The following LEF1 variants were observed in gnomAD, a reference collection of about 807,000 sequenced individuals.
LEF1 encodes the protein lymphoid enhancer binding factor 1, also known as lymphoid enhancer-binding factor 1.
Under a neutral mutation model 51.2 loss-of-function variants are expected in LEF1, and 14 were observed. That is an observed-to-expected ratio of 0.27 (90% confidence interval 0.18 to 0.43). LEF1 has a LOEUF of 0.43. LEF1 is among the 20% of genes least tolerant of loss of function. The probability of loss-of-function intolerance (pLI) is 1.00; values close to 1 mark genes in which losing one functional copy is unlikely to be tolerated. For synonymous variants in LEF1, 185 were observed against 183.2 expected, an observed-to-expected ratio of 1.01 and a Z score of -0.08; for missense variants, 386 against 512.0, an observed-to-expected ratio of 0.75 and a Z score of 2.37.
intron 3 of LEF1, among the ~76,000 whole-genome samples, chr4:108,144,983 T>C (rs1743911759): frequency 6.6e-6 from 1 of 151,828 alleles, no homozygotes; most frequent in South Asian, 2.1e-4. Context: ...AAGTATCTTA[T>C]CGGAACAAAT....
At chr4:108,162,001 G>C (rs962681261) in intron 3 of LEF1, among the ~76,000 whole-genome samples, 1 of 152,072 alleles carries the variant, frequency 6.6e-6, no homozygotes, top group African/African-American at 2.4e-5. Flanking sequence ...CTATATATTT[G>C]TATGTTTTGT....
chr4:108,158,418 A>AAAG (rs1744863016), intron 3 of LEF1, among the ~76,000 whole-genome samples: 1 of 150,224 alleles, frequency 6.7e-6, no homozygotes, highest in East Asian at 2.0e-4. Flanking sequence ...CCCTTAAAAA[A>AAAG]AGAGAGAGAG....
chr4:108,087,147 C>T (rs1323928202), intron 4 of LEF1, among the ~76,000 whole-genome samples: 7 of 152,084 alleles, frequency 4.6e-5, no homozygotes, highest in East Asian at 3.9e-4. Context: ...TTATTTTCTT[C>T]GCAACAAAAG....
chr4:108,087,242 G>A (rs1239521942), intron 4 of LEF1, among the ~76,000 whole-genome samples: 4 of 152,138 alleles, frequency 2.6e-5, no homozygotes, highest in Non-Finnish European at 5.9e-5. Flanking sequence ...AGAAGTACAC[G>A]ATGATAAGGA....
intron 3 of LEF1, among the ~76,000 whole-genome samples, chr4:108,162,146 T>A (rs1262975799): frequency 6.6e-6 from 1 of 152,182 alleles, no homozygotes; most frequent in African/African-American, 2.4e-5. Context: ...GACATCTTTA[T>A]CATTAAATAC....
At chr4:108,161,724 A>T (rs1038215599) in intron 3 of LEF1, among the ~76,000 whole-genome samples, 2 of 152,168 alleles carry the variant, frequency 1.3e-5, no homozygotes, top group African/African-American at 4.8e-5. Flanking sequence ...TGATTTTTTA[A>T]AATTACCATT....
chr4:108,166,535 TC>T, intron 1 of LEF1: 1 of 1,289,790 alleles, frequency 7.8e-7, no homozygotes, highest in Non-Finnish European at 9.8e-7. Flanking sequence ...GTGTCGGGTA[TC>T]AGGGTCCATC....
intron 9 of LEF1, among the ~76,000 whole-genome samples, chr4:108,067,503 A>G (rs1036858242): frequency 6.6e-6 from 1 of 152,126 alleles, no homozygotes; most frequent in Non-Finnish European, 1.5e-5. Context: ...ACTACACCCA[A>G]AAGACACCTA....
At chr4:108,118,567 C>T (rs543068723) in intron 3 of LEF1, among the ~76,000 whole-genome samples, 3 of 152,170 alleles carry the variant, frequency 2.0e-5, no homozygotes, top group Admixed American at 6.5e-5. Context: ...TTAGAAAGGC[C>T]TTAGGCCAGG....
At chr4:108,070,454 A>G in intron 9 of LEF1, 1 of 376,360 alleles carries the variant, frequency 2.7e-6, no homozygotes. Flanking sequence ...TTTATTTAAA[A>G]GCATTCATTA....
intron 3 of LEF1, among the ~76,000 whole-genome samples, chr4:108,131,123 G>A (rs950654658): frequency 1.3e-5 from 2 of 151,718 alleles, no homozygotes; most frequent in South Asian, 2.1e-4. Flanking sequence ...TACAGGTGGC[G>A]CCACTACATC....
chr4:108,135,449 G>C (rs763027707), intron 3 of LEF1, among the ~76,000 whole-genome samples: 1 of 152,224 alleles, frequency 6.6e-6, no homozygotes, highest in Non-Finnish European at 1.5e-5. Context: ...CTCAAATACA[G>C]ATGGAGATGT....
intron 8 of LEF1, among the ~76,000 whole-genome samples, chr4:108,073,273 T>G (rs1009662086): frequency 9.2e-5 from 14 of 152,072 alleles, no homozygotes; most frequent in Non-Finnish European, 1.6e-4. Context: ...TAATCCCAGC[T>G]ACTCAGGAGG....
rs1372924415 is a variant in LEF1 at position 108,092,690 on chromosome 4, CAACTATCT to C, written c.415-3441_415-3434del. ...GTAGGTAAGCGGAAGAATAATCAACCAACTATCTAAGTGTTTGTAGACAAATTAAGTGG... is the reference window on the plus strand; with the variant it reads ...GTAGGTAAGCGGAAGAATAATCAACCAAGTGTTTGTAGACAAATTAAGTGG... On this transcript the variant is annotated intron_variant, in intron 3 of 11. Coordinates refer to ENST00000265165, the MANE Select transcript of LEF1 (RefSeq NM_016269.5). Among the ~76,000 whole-genome samples, 4 of 114,922 alleles carry C rather than the reference CAACTATCT, an allele frequency of 3.5e-5. No homozygotes were observed. In the East Asian group the frequency reaches 8.6e-4, roughly 25 times the overall value. 75.4% of individuals were successfully genotyped at this position (114,922 alleles called of 152,430 possible).
chr4:108,159,374 CAA>C (rs1744929511), intron 3 of LEF1, among the ~76,000 whole-genome samples: 2 of 152,130 alleles, frequency 1.3e-5, no homozygotes, highest in Admixed American at 1.3e-4. Flanking sequence ...GGGGAAAACT[CAA>C]TGTGTTTAGC....
Position 108,163,808 on chromosome 4 carries a change from A to G in LEF1, c.281-107T>C, listed in dbSNP as rs969640813. 1.1e-5 allele frequency: 13 copies of G among 1,183,742 alleles called. No individual in the cohort carries two copies. The Admixed American group carries it at 2.9e-4, about 26-fold the overall frequency. 73.3% of individuals were successfully genotyped at this position (1,183,742 alleles called of 1,614,324 possible). A position where few individuals can be genotyped will look rare whatever the true frequency, so the allele number is the denominator to read the frequency against. On this transcript the variant is annotated intron_variant, in intron 2 of 11. Transcript: ENST00000265165. ...TCTAAGATAAATCAGACCCTACATA[A>G]AAGATTTGTTTACAAAATACTGTAA... is the stretch of plus-strand genomic sequence containing the variant.
At chr4:108,092,032 A>T (rs1740058818) in intron 3 of LEF1, among the ~76,000 whole-genome samples, 1 of 152,224 alleles carries the variant, frequency 6.6e-6, no homozygotes, top group Non-Finnish European at 1.5e-5. Flanking sequence ...GCACCACCTT[A>T]AGGAACTTGC....
At chr4:108,095,277 G>A (rs527416833) in intron 3 of LEF1, among the ~76,000 whole-genome samples, 1 of 152,254 alleles carries the variant, frequency 6.6e-6, no homozygotes, top group South Asian at 2.1e-4. Context: ...AATTAACATG[G>A]GTTGCACAGT....
chr4:108,127,766 G>C (rs1253425170), intron 3 of LEF1, among the ~76,000 whole-genome samples: 3 of 152,150 alleles, frequency 2.0e-5, no homozygotes, highest in South Asian at 4.1e-4. Flanking sequence ...GATGCAACAG[G>C]GGGGTATGTA....
Sources: allele counts gnomAD v4.1 joint callset (sites outside exome capture counted in the v4.1 genomes callset), GRCh38; gene constraint gnomAD v4.1.1; transcripts MANE v1.5; gene names NCBI Gene and HGNC (gene_info 2026-07-23, HGNC 2026-07-21).